Variants in TPM3 observed in about 807,000 individuals in gnomAD.
TPM3 encodes tropomyosin 3.
In TPM3, 16 loss-of-function variants were observed where a neutral mutation model predicts 43.1. That is an observed-to-expected ratio of 0.37 (90% confidence interval 0.25 to 0.56). The LOEUF (loss-of-function observed/expected upper bound fraction) is 0.56. Among genes scored for constraint, TPM3 ranks in the 20% least tolerant of loss-of-function variants. The pLI is 0.77. For synonymous variants in TPM3, 101 were observed against 116.9 expected (o/e 0.86, Z 0.88); for missense variants, 176 against 337.2 (o/e 0.52, Z 3.74).
chr1:154,159,839 T>C (rs1660165213), downstream of TPM3, among the ~76,000 whole-genome samples: 1 of 152,114 alleles, frequency 6.6e-6, no homozygotes, highest in Admixed American at 6.5e-5. Context: ...AACATGGATG[T>C]GATGACCAGA....
chr1:154,174,639 C>T (rs953930580), intron 3 of TPM3, among the ~76,000 whole-genome samples: 3 of 149,598 alleles, frequency 2.0e-5, no homozygotes, highest in Admixed American at 6.7e-5. Flanking sequence ...GGATTACAGG[C>T]GCGCCCCACC....
At position 154,163,997 on chromosome 1, in the gene TPM3, G is replaced by T. The variant is rs1041098253; in HGVS notation, c.*3940C>A. Among the ~76,000 whole-genome samples the T allele has an allele frequency of 2.0e-5, 3 of 151,872 alleles. No individual in the cohort carries two copies. The highest frequency in any genetic ancestry group is 4.4e-5 in the Non-Finnish European group (3 of 67,978). ...TTTACCTCCATGGCATAAACTACCT[G>T]TACCCCATATGGATTCCCAACTCTC... On this transcript the variant is annotated 3_prime_UTR_variant, in exon 10 of 10. Transcript: ENST00000651641.
At chr1:154,191,040 C>T in intron 2 of TPM3, 146 bp downstream of exon 2, 2 of 1,285,630 alleles carry the variant, frequency 1.6e-6, no homozygotes, top group Admixed American at 3.5e-5. Context: ...TGAGAATATA[C>T]CAGCATGTGG....
rs1272712988 is a variant in TPM3 at position 154,167,065 on chromosome 1, T to C, written c.*872A>G. On this transcript the variant is annotated 3_prime_UTR_variant, in exon 10 of 10. Coordinates refer to ENST00000651641, the MANE Select transcript of TPM3 (RefSeq NM_152263.4). ...TTTTACTAGCAGAAATTTATGTATGTAATAAATCATTAGCCTCATATGCAC... is the reference window on the plus strand; with the variant it reads ...TTTTACTAGCAGAAATTTATGTATGCAATAAATCATTAGCCTCATATGCAC... Among the ~76,000 whole-genome samples the C allele has an allele frequency of 6.6e-6, 1 of 152,222 alleles. No individual in the cohort carries two copies. The highest frequency in any genetic ancestry group is 1.5e-5 in the Non-Finnish European group (1 of 68,048).
At chr1:154,176,698 G>A (rs1227427884) in intron 2 of TPM3, among the ~76,000 whole-genome samples, 1 of 149,658 alleles carries the variant, frequency 6.7e-6, no homozygotes, top group Non-Finnish European at 1.5e-5. Context: ...AGGGTATCCT[G>A]ACTGGGTGTG....
chr1:154,157,605 G>GGGA (rs779937216), downstream of TPM3: 2 of 773,230 alleles, frequency 2.6e-6, no homozygotes, highest in Admixed American at 3.4e-5. Context: ...CTGGGTCAGA[G>GGGA]GGAGGAGCAG....
chr1:154,168,300 C>G (rs1661204920), intron 9 of TPM3, among the ~76,000 whole-genome samples: 1 of 152,070 alleles, frequency 6.6e-6, no homozygotes, highest in Non-Finnish European at 1.5e-5. Flanking sequence ...TTAAACACAC[C>G]CAGGAGGCCT....
chr1:154,162,562 C>G lies in TPM3; in HGVS notation c.*5375G>C, dbSNP rs1660498159. Among the ~76,000 whole-genome samples the G allele has an allele frequency of 6.6e-6, 1 of 151,988 alleles. No homozygotes were observed. On this transcript the variant is annotated 3_prime_UTR_variant, in exon 10 of 10. Transcript: ENST00000651641. ...GGGGTTACTACATCTTATTCCTTATCTCAATGATGGTAACAAGGAAGGGCA... is the reference window on the plus strand; with the variant it reads ...GGGGTTACTACATCTTATTCCTTATGTCAATGATGGTAACAAGGAAGGGCA...
At chr1:154,173,769 C>A (rs547299972) in intron 3 of TPM3, among the ~76,000 whole-genome samples, 1 of 152,038 alleles carries the variant, frequency 6.6e-6, no homozygotes, top group Admixed American at 6.6e-5. Flanking sequence ...TCAGGTGGAT[C>A]ACTTGAGGTC....
rs1661124867 is a variant in TPM3 at position 154,167,669 on chromosome 1, C to G, written c.*268G>C. On this transcript the variant is annotated 3_prime_UTR_variant, in exon 10 of 10. Coordinates refer to ENST00000651641, the MANE Select transcript of TPM3 (RefSeq NM_152263.4). ...GAGGGGGAGCCTACAATAGCTCTTC[C>G]CCACATCACACCCCCAAGGCTCCTT... 1.5e-6 allele frequency: 2 copies of G among 1,335,502 alleles called. No homozygotes were observed. The highest frequency in any genetic ancestry group is 6.2e-5 in the Admixed American group (2 of 32,232). The allele number at this position is 1,335,502 out of a possible 1,614,324, so 82.7% of individuals were successfully genotyped here.
intron 4 of TPM3, 34 bp downstream of exon 4, chr1:154,173,050 C>T: frequency 6.2e-7 from 1 of 1,613,824 alleles, no homozygotes; most frequent in Non-Finnish European, 8.5e-7. Flanking sequence ...TTGTAAAAGG[C>T]CGATACGAGA....
intron 2 of TPM3, among the ~76,000 whole-genome samples, chr1:154,177,626 C>T (rs1662483361): frequency 6.6e-6 from 1 of 152,148 alleles, no homozygotes; most frequent in African/African-American, 2.4e-5. Flanking sequence ...ATCCAAGTGC[C>T]TGGTAAACAC....
rs138655530 is a variant in TPM3, at chr1:154,180,868, T to G, written c.244-4620A>C. On this transcript the variant is annotated intron_variant, in intron 2 of 9. Transcript: ENST00000651641. Reference sequence around the variant, plus strand: ...TGAGCCTGGGAGGTGGAGGTTGCAGTGAGCAGAGATCGTGCAACTGCATTC... The same window carrying G: ...TGAGCCTGGGAGGTGGAGGTTGCAGGGAGCAGAGATCGTGCAACTGCATTC... Among the ~76,000 whole-genome samples the G allele has an allele frequency of 6.8e-3, 1,038 of 151,668 alleles. 15 individuals carry two copies. The highest frequency in any genetic ancestry group is 0.024 in the African/African-American group (985 of 41,292).
chr1:154,192,022 C>T lies in TPM3; in HGVS notation c.-4G>A. The T allele has an allele frequency of 1.2e-6, 2 of 1,611,558 alleles. No individual in the cohort carries two copies. Among genetic ancestry groups the T allele is most frequent in the South Asian group, 1.1e-5 (1 of 91,056 alleles). On this transcript the variant is annotated 5_prime_UTR_variant, in exon 1 of 10. Transcript: ENST00000651641. Reference sequence around the variant, plus strand: ...TTTTCTTGATGGCCTCCATCATGAGCAGTGGCTGTTGGTAGGCTCACCTGT... The same window carrying T: ...TTTTCTTGATGGCCTCCATCATGAGTAGTGGCTGTTGGTAGGCTCACCTGT...
chr1:154,169,559 C>G, intron 8 of TPM3, 176 bp from the exon 9 acceptor site: 1 of 650,232 alleles, frequency 1.5e-6, no homozygotes, highest in Non-Finnish European at 2.7e-6. Context: ...TCTACTCTCT[C>G]CTATGACCAA....
At chr1:154,157,860 T>C (rs1228127178), downstream of TPM3, 1 of 706,346 alleles carries the variant, frequency 1.4e-6, no homozygotes. Flanking sequence ...AGTGAGCTAT[T>C]ACATCACCCA....
intron 2 of TPM3, among the ~76,000 whole-genome samples, chr1:154,182,055 A>T (rs1663013777): frequency 6.6e-6 from 1 of 152,240 alleles, no homozygotes; most frequent in Non-Finnish European, 1.5e-5. Context: ...AAATTGCCCA[A>T]GTCAATCAGA....
Position 154,167,288 on chromosome 1 carries a change from T to A in TPM3, c.*649A>T. The A allele has an allele frequency of 3.0e-6, 3 of 984,636 alleles. No homozygotes were observed. Among genetic ancestry groups the A allele is most frequent in the Non-Finnish European group, 3.6e-6 (3 of 829,228 alleles). 61.0% of individuals were successfully genotyped at this position (984,636 alleles called of 1,614,324 possible). A position where few individuals can be genotyped will look rare whatever the true frequency, so the allele number is the denominator to read the frequency against. ...TATTTTTCTGTGACTGGAGTTGACA[T>A]AATTAGTCAATCTTAGCAATAATGT... On this transcript the variant is annotated 3_prime_UTR_variant, in exon 10 of 10. Coordinates refer to ENST00000651641, the MANE Select transcript of TPM3 (RefSeq NM_152263.4).
intron 3 of TPM3, among the ~76,000 whole-genome samples, chr1:154,174,368 G>GTGTGTATATATATATA (rs1389219269): frequency 2.2e-5 from 1 of 46,354 alleles, no homozygotes; most frequent in Non-Finnish European, 4.3e-5. Flanking sequence ...AAATATATGT[G>GTGTGTATATATATATA]TATATATATA....
Sources: gnomAD v4.1 joint callset for allele counts (sites outside exome capture counted in the v4.1 genomes callset) on GRCh38, gnomAD v4.1.1 for gene constraint, MANE v1.5 for transcripts, NCBI Gene and HGNC (gene_info 2026-07-23, HGNC 2026-07-21) for gene names.